CHN1: variants seen among roughly 807,000 people sequenced by gnomAD.
CHN1 encodes the protein chimerin 1, also known as N-chimaerin.
In CHN1, 37 loss-of-function variants were observed where a neutral mutation model predicts 59.5. The ratio of observed to expected loss-of-function variants is 0.62; its 90% CI spans 0.48 to 0.82. The LOEUF (loss-of-function observed/expected upper bound fraction) is 0.82. Among genes scored for constraint, CHN1 ranks in the 40% least tolerant of loss-of-function variants. The pLI, the probability that CHN1 is intolerant of heterozygous loss-of-function variation, is 0.00. For missense variants in CHN1, 469 were observed against 571.0 expected (o/e 0.82, Z 1.82); for synonymous variants, 206 against 200.4 (o/e 1.03, Z -0.24).
chr2:174,936,983 T>C (rs1439333813), intron 3 of CHN1, among the ~76,000 whole-genome samples: 3 of 152,192 alleles, frequency 2.0e-5, no homozygotes, highest in South Asian at 2.1e-4. Context: ...AAAAATCATT[T>C]ATATTTTAGT....
chr2:174,866,254 A>G (rs10497433), intron 6 of CHN1, among the ~76,000 whole-genome samples: 9,262 of 152,312 alleles, frequency 0.061, 466 homozygotes, highest in African/African-American at 0.14. Flanking sequence ...CTTAGCATAT[A>G]GGACTATAGA....
chr2:174,962,686 G>T (rs1178273669), intron 1 of CHN1, among the ~76,000 whole-genome samples: 4 of 89,210 alleles, frequency 4.5e-5, no homozygotes, highest in African/African-American at 8.7e-5. Context: ...GGGGGGGGCA[G>T]ATCACCTGAG....
chr2:174,960,150 G>T (rs575906139), intron 1 of CHN1, among the ~76,000 whole-genome samples: 1 of 152,296 alleles, frequency 6.6e-6, no homozygotes, highest in South Asian at 2.1e-4. Context: ...ACATGAGAGT[G>T]TAACAGGTCA....
intron 3 of CHN1, among the ~76,000 whole-genome samples, chr2:174,921,226 T>C (rs1689008049): frequency 6.6e-6 from 1 of 152,244 alleles, no homozygotes; most frequent in South Asian, 2.1e-4. Context: ...CCCTACTGGC[T>C]TATCAGATTC....
At chr2:174,863,621 T>C (rs1489894296) in intron 6 of CHN1, among the ~76,000 whole-genome samples, 1 of 152,122 alleles carries the variant, frequency 6.6e-6, no homozygotes, top group African/African-American at 2.4e-5. Context: ...ATAACCCACA[T>C]AAACAAAAGC....
In CHN1 at chr2:175,000,306, TA is replaced by T. The variant is rs1691850742; in HGVS notation, c.19+4587del. 3.3e-5 allele frequency among the ~76,000 whole-genome samples: 5 copies of T among 151,978 alleles called. No homozygotes were observed. In the South Asian group the frequency reaches 1.0e-3, roughly 32 times the overall value. On this transcript the variant is annotated intron_variant, in intron 1 of 12. Transcript: ENST00000409900. ...ACAAGCATGTGCCACCATGCCAGGC[TA>T]ATTTTTGTATTTTTAGTAGAGACAT...
intron 5 of CHN1, among the ~76,000 whole-genome samples, chr2:174,886,530 GATTT>G (rs760476317): frequency 1.2e-4 from 18 of 152,174 alleles, no homozygotes; most frequent in Admixed American, 3.3e-4. Flanking sequence ...AAGACAAAAG[GATTT>G]ATTAAGTTTT....
intron 3 of CHN1, among the ~76,000 whole-genome samples, chr2:174,920,358 T>G (rs760177705): frequency 4.6e-5 from 7 of 152,194 alleles, no homozygotes; most frequent in Non-Finnish European, 8.8e-5. Flanking sequence ...CTAGTGAGAT[T>G]GCAGAATCAT....
At chr2:174,837,532 C>T (rs1455554391) in intron 7 of CHN1, among the ~76,000 whole-genome samples, 3 of 152,082 alleles carry the variant, frequency 2.0e-5, no homozygotes, top group Non-Finnish European at 2.9e-5. Flanking sequence ...TTACAAAACA[C>T]GCCAGTTCTA....
At chr2:174,819,972 T>A (rs1007452945) in intron 8 of CHN1, among the ~76,000 whole-genome samples, 20 of 151,906 alleles carry the variant, frequency 1.3e-4, no homozygotes, top group African/African-American at 4.6e-4. Flanking sequence ...ATTTCATCCA[T>A]GTCCCTACAA....
intron 3 of CHN1, among the ~76,000 whole-genome samples, chr2:174,923,040 C>T (rs1271325614): frequency 6.6e-6 from 1 of 152,032 alleles, no homozygotes; most frequent in Admixed American, 6.5e-5. Flanking sequence ...AAGGAAAAGG[C>T]ATAAAAGGAA....
At chr2:174,993,822 A>C (rs535153699) in intron 1 of CHN1, among the ~76,000 whole-genome samples, 295 of 152,330 alleles carry the variant, frequency 1.9e-3, no homozygotes, top group Middle Eastern at 6.8e-3. Flanking sequence ...AACAAGAGGC[A>C]TTAATAAATA....
intron 1 of CHN1, among the ~76,000 whole-genome samples, chr2:174,993,783 T>C (rs949229212): frequency 1.3e-5 from 2 of 152,190 alleles, no homozygotes; most frequent in Non-Finnish European, 2.9e-5. Context: ...TGAATCTTTT[T>C]GTAAATTGCC....
At chr2:174,827,704 C>T (rs1489465123) in intron 7 of CHN1, among the ~76,000 whole-genome samples, 4 of 152,118 alleles carry the variant, frequency 2.6e-5, no homozygotes, top group Non-Finnish European at 4.4e-5. Context: ...GAGCTGAACT[C>T]GGGCAGTGGT....
Position 174,799,745 on chromosome 2 carries a change from A to G in CHN1, c.*371T>C, listed in dbSNP as rs1163012573. ...TGACATAGACCCCAAAAGCAAAGTC[A>G]CAACAGGCTTACTCTGTGAAACATG... is the stretch of plus-strand genomic sequence containing the variant. On this transcript the variant is annotated 3_prime_UTR_variant, in exon 13 of 13. Transcript: ENST00000409900. The G allele has an allele frequency of 1.9e-6, 1 of 537,794 alleles. No individual in the cohort carries two copies. The highest frequency in any genetic ancestry group is 2.2e-5 in the Admixed American group (1 of 45,152). The allele number at this position is 537,794 out of a possible 1,614,324, so 33.3% of individuals were successfully genotyped here.
intron 6 of CHN1, among the ~76,000 whole-genome samples, chr2:174,856,015 A>T (rs1686889153): frequency 6.6e-6 from 1 of 152,024 alleles, no homozygotes; most frequent in African/African-American, 2.4e-5. Flanking sequence ...AAATTTCTGG[A>T]GCATTTATAT....
chr2:174,907,294 GA>G (rs1049844568), intron 5 of CHN1, among the ~76,000 whole-genome samples: 34 of 152,004 alleles, frequency 2.2e-4, no homozygotes, highest in African/African-American at 7.7e-4. Context: ...ACTACTGCTG[GA>G]AAAAAAATTC....
chr2:174,824,205 G>A (rs1410458066), intron 8 of CHN1, among the ~76,000 whole-genome samples: 7 of 152,142 alleles, frequency 4.6e-5, no homozygotes, highest in Non-Finnish European at 2.9e-5. Context: ...TCTCTTTTCA[G>A]TGGACTAATG....
At chr2:174,848,631 G>A (rs1446184395) in intron 6 of CHN1, among the ~76,000 whole-genome samples, 1 of 152,084 alleles carries the variant, frequency 6.6e-6, no homozygotes, top group African/African-American at 2.4e-5. Flanking sequence ...TGTGCCCAGT[G>A]CATATTCTAC....
Sources: gnomAD v4.1 joint callset for allele counts (sites outside exome capture counted in the v4.1 genomes callset) on GRCh38, gnomAD v4.1.1 for gene constraint, MANE v1.5 for transcripts, NCBI Gene and HGNC (gene_info 2026-07-23, HGNC 2026-07-21) for gene names.